The following SORBS2 variants were observed in gnomAD, a reference collection of about 807,000 sequenced individuals.
SORBS2 encodes sorbin and SH3 domain-containing protein 2.
In SORBS2, 46 loss-of-function variants were observed where a neutral mutation model predicts 97.7. The observed-to-expected ratio is 0.47, with a 90% confidence interval of 0.37 to 0.60. SORBS2 has a LOEUF of 0.60. SORBS2 is among the 20% of genes least tolerant of loss of function. The pLI, the probability that SORBS2 is intolerant of heterozygous loss-of-function variation, is 0.00. For synonymous variants in SORBS2, 476 were observed against 473.4 expected, an observed-to-expected ratio of 1.01 and a Z score of -0.07; for missense variants, 1,316 against 1,282.3, an observed-to-expected ratio of 1.03 and a Z score of -0.40.
intron 1 of SORBS2, among the ~76,000 whole-genome samples, chr4:185,944,464 C>T (rs923403712): frequency 6.6e-6 from 1 of 152,140 alleles, no homozygotes; most frequent in Non-Finnish European, 1.5e-5. Flanking sequence ...TATGAATTTA[C>T]ACAATATAGT....
chr4:185,853,041 A>G (rs573843782), intron 1 of SORBS2, among the ~76,000 whole-genome samples: 1 of 152,232 alleles, frequency 6.6e-6, no homozygotes, highest in Admixed American at 6.5e-5. Context: ...AACTCCCACA[A>G]ATATACAGGA....
At chr4:185,777,129 T>C (rs995118994) in intron 1 of SORBS2, among the ~76,000 whole-genome samples, 1 of 152,204 alleles carries the variant, frequency 6.6e-6, no homozygotes, top group Non-Finnish European at 1.5e-5. Flanking sequence ...ATAGACCTTA[T>C]ATTAAAACTG....
chr4:185,732,540 C>T (rs932104434), intron 2 of SORBS2, among the ~76,000 whole-genome samples: 1 of 152,172 alleles, frequency 6.6e-6, no homozygotes, highest in Admixed American at 6.5e-5. Context: ...ATGGGTCAGT[C>T]CTGCCCCACA....
intron 1 of SORBS2, among the ~76,000 whole-genome samples, chr4:185,886,019 T>C (rs1475794596): frequency 2.0e-5 from 3 of 152,190 alleles, no homozygotes; most frequent in African/African-American, 7.2e-5. Context: ...CTGCGCCCCT[T>C]AGTAAACCAC....
At chr4:185,681,648 C>G (rs1279086250) in intron 2 of SORBS2, among the ~76,000 whole-genome samples, 2 of 152,098 alleles carry the variant, frequency 1.3e-5, no homozygotes, top group African/African-American at 4.8e-5. Flanking sequence ...AATATTTTAA[C>G]AAATAGGGTC....
chr4:185,719,472 G>T (rs6816948), intron 2 of SORBS2, among the ~76,000 whole-genome samples: 6,584 of 152,300 alleles, frequency 0.043, 304 homozygotes, highest in African/African-American at 0.11. Flanking sequence ...ATCAGTTTCT[G>T]CAACTCCATC....
intron 1 of SORBS2, among the ~76,000 whole-genome samples, chr4:185,821,704 G>A (rs535323057): frequency 3.3e-5 from 5 of 152,234 alleles, no homozygotes; most frequent in South Asian, 2.1e-4. Context: ...GATTACAAGC[G>A]TGCACCACCA....
At chr4:185,753,808 A>T (rs531540668) in intron 2 of SORBS2, among the ~76,000 whole-genome samples, 14 of 152,310 alleles carry the variant, frequency 9.2e-5, no homozygotes, top group Admixed American at 8.5e-4. Flanking sequence ...TTATTCACCT[A>T]TCTTTTTAAA....
intron 11 of SORBS2, among the ~76,000 whole-genome samples, chr4:185,613,595 C>T (rs555732021): frequency 3.2e-4 from 43 of 135,448 alleles, no homozygotes; most frequent in African/African-American, 1.1e-3. Flanking sequence ...TTGCAGTGAG[C>T]TGAGAGCACA....
chr4:185,842,213 AT>A (rs1181663591), intron 1 of SORBS2, among the ~76,000 whole-genome samples: 1 of 152,240 alleles, frequency 6.6e-6, no homozygotes, highest in Admixed American at 6.5e-5. Context: ...AATAGAGAAA[AT>A]CTTACTAAGG....
rs2096759197 is a variant in SORBS2, at chr4:185,623,712, G to A, written c.1417C>T (p.Arg473Ter). 3 of 1,613,712 alleles carry A rather than the reference G, an allele frequency of 1.9e-6. No individual in the cohort carries two copies. The highest frequency in any genetic ancestry group is 2.5e-6 in the Non-Finnish European group (3 of 1,179,986). The change falls in exon 7 of 15, where the codon CGA becomes TGA. Residue 473 changes from arginine to a stop codon, truncating the protein, a stop_gained. Transcript: ENST00000418609. LOFTEE classifies it high-confidence loss of function. The surrounding 1 kb of genome is among the most constrained non-coding windows in gnomAD (Gnocchi z 6.4). ...ACCAGGGCGTTAGACTGGCAGCCTC[G>A]CCGGCCCCGAGCGGGGGGGCCGCTT...
intron 2 of SORBS2, among the ~76,000 whole-genome samples, chr4:185,751,302 G>A (rs2098799141): frequency 6.6e-6 from 1 of 151,836 alleles, no homozygotes; most frequent in African/African-American, 2.4e-5. Flanking sequence ...TGGATGTTAG[G>A]AACTACACTG....
chr4:185,697,678 A>T (rs2098196851), intron 2 of SORBS2, among the ~76,000 whole-genome samples: 1 of 152,214 alleles, frequency 6.6e-6, no homozygotes, highest in Non-Finnish European at 1.5e-5. Flanking sequence ...AGAGATGTCT[A>T]TAAAATGTCA....
At chr4:185,652,303 A>G (rs866681412) in intron 2 of SORBS2, among the ~76,000 whole-genome samples, 1 of 152,212 alleles carries the variant, frequency 6.6e-6, no homozygotes, top group African/African-American at 2.4e-5. Context: ...AGGCTCAGGC[A>G]GACCCGCGCA....
At chr4:185,618,628 A>G in exon 9 of SORBS2, 1 of 1,536,150 alleles carries the variant, frequency 6.5e-7, no homozygotes, top group Non-Finnish European at 8.9e-7. Context: ...TTTGCAGGCA[A>G]TTTCTGAAAA....
intron 1 of SORBS2, among the ~76,000 whole-genome samples, chr4:185,801,273 T>A (rs188835118): frequency 1.5e-3 from 227 of 152,362 alleles, no homozygotes; most frequent in Middle Eastern, 0.01. Flanking sequence ...CTTTATCCAT[T>A]CATCCATGGA....
chr4:185,727,522 T>C (rs906178475), intron 2 of SORBS2, among the ~76,000 whole-genome samples: 3 of 152,250 alleles, frequency 2.0e-5, no homozygotes, highest in Non-Finnish European at 4.4e-5. Flanking sequence ...ATAACTTTGT[T>C]ATCAGATTAC....
chr4:185,809,944 C>T (rs1271601739), intron 1 of SORBS2, among the ~76,000 whole-genome samples: 1 of 152,126 alleles, frequency 6.6e-6, no homozygotes, highest in Non-Finnish European at 1.5e-5. Flanking sequence ...TCTAAGAAAT[C>T]CTTTGGCAGT....
intron 12 of SORBS2, among the ~76,000 whole-genome samples, chr4:185,600,106 T>G (rs2096225065): frequency 6.6e-6 from 1 of 152,188 alleles, no homozygotes; most frequent in Non-Finnish European, 1.5e-5. Flanking sequence ...CACACAGACT[T>G]CAGGAGGAGC....
Sources: gnomAD v4.1 joint callset for allele counts (sites outside exome capture counted in the v4.1 genomes callset) on GRCh38, gnomAD v4.1.1 for gene constraint, Gnocchi (gnomAD v3.1) non-coding constraint, MANE v1.5 for transcripts, NCBI Gene and HGNC (gene_info 2026-07-23, HGNC 2026-07-21) for gene names.